Variants in RXRA observed in about 807,000 individuals in gnomAD.
RXRA encodes retinoic acid receptor RXR-alpha.
RXRA carries 5 observed loss-of-function variants against 44.5 expected under a neutral mutation model. The ratio of observed to expected loss-of-function variants is 0.11; its 90% confidence interval spans 0.06 to 0.24. RXRA has a LOEUF of 0.24. RXRA is among the 10% of genes least tolerant of loss of function. The pLI is 1.00. For synonymous variants in RXRA, 291 were observed against 271.4 expected, an observed-to-expected ratio of 1.07 and a Z score of -0.71; for missense variants, 412 against 646.5, an observed-to-expected ratio of 0.64 and a Z score of 3.93.
In RXRA at chr9:134,370,232, G is replaced by T. The variant is rs538519683; in HGVS notation, c.29-31400G>T. Among the ~76,000 whole-genome samples, 9 of 152,302 alleles carry T rather than the reference G, an allele frequency of 5.9e-5. No individual in the cohort carries two copies. The South Asian group carries it at 1.9e-3, about 32-fold the overall frequency. ...GGTGGTGTCCATCTGCATGGGACGTGGGGGAGCACACGCTCTGAGCTTGAG... is the reference window on the plus strand; with the variant it reads ...GGTGGTGTCCATCTGCATGGGACGTTGGGGAGCACACGCTCTGAGCTTGAG... On this transcript the variant is annotated intron_variant, in intron 1 of 9. Transcript: ENST00000481739.
At chr9:134,423,912 C>A (rs1315762177) in intron 6 of RXRA, 1 of 985,312 alleles carries the variant, frequency 1.0e-6, no homozygotes, top group South Asian at 4.7e-5. Flanking sequence ...CAGAGAACAG[C>A]TGGCCGCACG....
At chr9:134,335,477 C>T (rs1280383189) in intron 1 of RXRA, among the ~76,000 whole-genome samples, 1 of 152,162 alleles carries the variant, frequency 6.6e-6, no homozygotes, top group Non-Finnish European at 1.5e-5. Flanking sequence ...AAGGGATGCC[C>T]GTGCGGGCGT....
At position 134,431,974 on chromosome 9, in the gene RXRA, C is replaced by G. The variant is rs141382843; in HGVS notation, c.1113C>G (p.Arg371=). Residue 371 remains arginine (R), a synonymous_variant, in exon 8 of 10, where the codon CGC becomes CGG. Transcript: ENST00000481739. ...QMDKTELGCL[R]AIVLFNPDSK... ...ACAAGACGGAGCTGGGCTGCCTGCG[C>G]GCCATCGTCCTCTTTAACCCTGGTA... 12 of 1,613,872 alleles carry G rather than the reference C, an allele frequency of 7.4e-6. No homozygotes were observed. Among genetic ancestry groups the G allele is most frequent in the African/African-American group, 6.7e-5 (5 of 75,064 alleles).
intron 1 of RXRA, among the ~76,000 whole-genome samples, chr9:134,383,925 C>A (rs1285677480): frequency 6.6e-6 from 1 of 152,062 alleles, no homozygotes; most frequent in Non-Finnish European, 1.5e-5. Context: ...GCCAAGGGAC[C>A]GTCTGGCCTG....
intron 2 of RXRA, chr9:134,402,887 T>G (rs569542309): frequency 1.5e-3 from 152 of 102,100 alleles, no homozygotes; most frequent in African/African-American, 3.7e-3. Context: ...TGGCAGAGTT[T>G]TGGTGCCATC....
rs528997817 is a variant in RXRA, at chr9:134,327,663, T to TG, written c.28+1008dup. On this transcript the variant is annotated intron_variant, in intron 1 of 9. Coordinates refer to ENST00000481739, the MANE Select transcript of RXRA (RefSeq NM_002957.6). Reference sequence around the variant, plus strand: ...CCTCCTGCCCACCCTCCCTGCAGCCTGGGGTGCAGCTTGGCCACCCCAGGA... The same window carrying TG: ...CCTCCTGCCCACCCTCCCTGCAGCCTGGGGGTGCAGCTTGGCCACCCCAGGA... Among the ~76,000 whole-genome samples, 209 of 152,120 alleles carry TG rather than the reference T, an allele frequency of 1.4e-3. 1 individual carries two copies. Among genetic ancestry groups the TG allele is most frequent in the Non-Finnish European group, 2.0e-3 (135 of 67,996 alleles).
At chr9:134,356,441 G>T (rs1830284252) in intron 1 of RXRA, among the ~76,000 whole-genome samples, 1 of 152,092 alleles carries the variant, frequency 6.6e-6, no homozygotes, top group Non-Finnish European at 1.5e-5. Flanking sequence ...GCCGGGCCGG[G>T]GAGCCAGGAG....
At chr9:134,391,318 G>T (rs1367932876) in intron 1 of RXRA, among the ~76,000 whole-genome samples, 1 of 152,226 alleles carries the variant, frequency 6.6e-6, no homozygotes, top group Non-Finnish European at 1.5e-5. Context: ...CATGAAGGTG[G>T]AGACGAGAGC....
chr9:134,359,011 C>A (rs987192525), intron 1 of RXRA, among the ~76,000 whole-genome samples: 2 of 152,152 alleles, frequency 1.3e-5, no homozygotes, highest in Non-Finnish European at 2.9e-5. Context: ...CAACAGGGTC[C>A]AGGGAGCATT....
At chr9:134,436,418 G>A in intron 9 of RXRA, 49 bp from the exon 10 acceptor site, 3 of 1,598,630 alleles carry the variant, frequency 1.9e-6, no homozygotes, top group Non-Finnish European at 2.6e-6. Flanking sequence ...TGCCAGGGCA[G>A]AACTGCCCAT....
intron 5 of RXRA, among the ~76,000 whole-genome samples, chr9:134,420,845 C>T (rs373286954): frequency 6.6e-6 from 1 of 152,302 alleles, no homozygotes; most frequent in East Asian, 1.9e-4. Context: ...TGCCTGGGTC[C>T]CCTCATCTGT....
chr9:134,327,210 CG>C (rs1554746152), intron 1 of RXRA, among the ~76,000 whole-genome samples: 1 of 152,096 alleles, frequency 6.6e-6, no homozygotes, highest in Admixed American at 6.5e-5. Context: ...CAGGGTCCCC[CG>C]GGGCTGTATG....
chr9:134,397,570 C>G (rs1830898414), intron 1 of RXRA, among the ~76,000 whole-genome samples: 1 of 152,166 alleles, frequency 6.6e-6, no homozygotes, highest in African/African-American at 2.4e-5. Context: ...CGCCTTGGGG[C>G]TACTGGGCAC....
chr9:134,326,810 C>T (rs1463101674), intron 1 of RXRA, among the ~76,000 whole-genome samples, 151 bp downstream of exon 1: 1 of 142,532 alleles, frequency 7.0e-6, no homozygotes, highest in Non-Finnish European at 1.6e-5. Context: ...AGTTCGGGCG[C>T]CGGGCCCGGG....
chr9:134,371,279 G>A (rs1277103345), intron 1 of RXRA, among the ~76,000 whole-genome samples: 1 of 152,162 alleles, frequency 6.6e-6, no homozygotes, highest in Non-Finnish European at 1.5e-5. Flanking sequence ...ACCCCCCCAG[G>A]CCTCTGTGTC....
At chr9:134,386,736 TC>T (rs67249843) in intron 1 of RXRA, among the ~76,000 whole-genome samples, 129,303 of 152,120 alleles carry the variant, frequency 0.85, 55,339 homozygotes, top group African/African-American at 0.95. Context: ...GTCTCTGGTG[TC>T]CCCCCGGGTG....
chr9:134,435,576 G>T (rs1009994631), intron 9 of RXRA, among the ~76,000 whole-genome samples: 2 of 152,204 alleles, frequency 1.3e-5, no homozygotes, highest in East Asian at 3.9e-4. Flanking sequence ...ACAAGGTGCC[G>T]TGGGAGGCAC....
At chr9:134,435,298 C>A (rs371440820) in intron 9 of RXRA, among the ~76,000 whole-genome samples, 3 of 152,198 alleles carry the variant, frequency 2.0e-5, no homozygotes, top group African/African-American at 4.8e-5. Flanking sequence ...CACCTGGTTC[C>A]GTCCCCATAG....
At chr9:134,399,443 G>A (rs1331504413) in intron 1 of RXRA, among the ~76,000 whole-genome samples, 1 of 152,220 alleles carries the variant, frequency 6.6e-6, no homozygotes, top group Non-Finnish European at 1.5e-5. Flanking sequence ...CTGATTTTGT[G>A]TTTGTCTGTC....
Sources: allele counts gnomAD v4.1 joint callset (sites outside exome capture counted in the v4.1 genomes callset), GRCh38; gene constraint gnomAD v4.1.1; transcripts MANE v1.5; gene names NCBI Gene and HGNC (gene_info 2026-07-23, HGNC 2026-07-21).